Variants in ABCC5 observed in about 807,000 individuals in gnomAD.
ABCC5 encodes ATP-binding cassette sub-family C member 5.
A neutral mutation model predicts 160.9 loss-of-function variants in ABCC5; 61 were observed. That is an observed-to-expected ratio of 0.38 (90% CI 0.31 to 0.47). The LOEUF (loss-of-function observed/expected upper bound fraction) is 0.47. Among genes scored for constraint, ABCC5 ranks in the 20% least tolerant of loss-of-function variants. The pLI is 0.99. For synonymous variants in ABCC5, 666 were observed against 700.6 expected, an observed-to-expected ratio of 0.95 and a Z score of 0.78; for missense variants, 1,308 against 1,813.3, an observed-to-expected ratio of 0.72 and a Z score of 5.06.
chr3:183,952,999 G>A, intron 18 of ABCC5, 87 bp downstream of exon 18: 1 of 1,382,724 alleles, frequency 7.2e-7, no homozygotes, highest in South Asian at 1.4e-5. Flanking sequence ...GTGAAAACTA[G>A]AACAGTTTCC....
chr3:183,941,298 C>T (rs1378153825), intron 25 of ABCC5, among the ~76,000 whole-genome samples: 1 of 152,114 alleles, frequency 6.6e-6, no homozygotes, highest in East Asian at 1.9e-4. Context: ...GAGCAGTGTA[C>T]CCCTGGGGAC....
At chr3:183,926,029 G>A (rs1389363624) in intron 28 of ABCC5, among the ~76,000 whole-genome samples, 28 of 149,674 alleles carry the variant, frequency 1.9e-4, no homozygotes, top group African/African-American at 5.4e-4. Context: ...TAGTAGAGAC[G>A]GGGTTTCACC....
intron 2 of ABCC5, among the ~76,000 whole-genome samples, chr3:183,989,887 C>T (rs1719591405): frequency 6.6e-6 from 1 of 152,020 alleles, no homozygotes; most frequent in South Asian, 2.1e-4. Context: ...TCATTGCAAC[C>T]TCCACCTCCC....
chr3:183,967,473 C>G (rs1717328329), intron 12 of ABCC5: 1 of 519,830 alleles, frequency 1.9e-6, no homozygotes, highest in African/African-American at 1.9e-5. Flanking sequence ...CCAGCTGGGA[C>G]AACAGTCAGT....
chr3:183,956,211 G>A (rs1715924817), intron 17 of ABCC5, among the ~76,000 whole-genome samples: 1 of 146,940 alleles, frequency 6.8e-6, no homozygotes, highest in Non-Finnish European at 1.5e-5. Flanking sequence ...GTTACATGCA[G>A]ATCCGTGTGT....
chr3:183,977,634 G>A lies in ABCC5; in HGVS notation c.1297-10C>T. ...TCACCACTGTGAAAGCCTGAAAATAGGAGAAGAGAAGAAACTGTGCCTAAT... is the reference window on the plus strand; with the variant it reads ...TCACCACTGTGAAAGCCTGAAAATAAGAGAAGAGAAGAAACTGTGCCTAAT... On this transcript the variant is annotated splice_polypyrimidine_tract_variant and intron_variant, in intron 9 of 29. Transcript: ENST00000334444. The A allele has an allele frequency of 1.9e-6, 3 of 1,604,742 alleles. No individual in the cohort carries two copies. The highest frequency in any genetic ancestry group is 2.6e-6 in the Non-Finnish European group (3 of 1,172,236).
chr3:183,995,627 T>C (rs1276851894), intron 2 of ABCC5, among the ~76,000 whole-genome samples: 5 of 152,180 alleles, frequency 3.3e-5, no homozygotes, highest in Non-Finnish European at 7.3e-5. Context: ...TCTATTTCAT[T>C]GATCTATTTG....
chr3:183,946,466 T>A (rs1210484405), intron 23 of ABCC5, among the ~76,000 whole-genome samples: 1 of 152,218 alleles, frequency 6.6e-6, no homozygotes, highest in African/African-American at 2.4e-5. Context: ...TGGCTGGACA[T>A]CTCGGGGTAT....
At chr3:183,956,456 G>C (rs867060914) in intron 17 of ABCC5, among the ~76,000 whole-genome samples, 1 of 146,016 alleles carries the variant, frequency 6.8e-6, no homozygotes, top group Non-Finnish European at 1.5e-5. Flanking sequence ...AAATCACATC[G>C]GTTACATGCG....
intron 24 of ABCC5, among the ~76,000 whole-genome samples, chr3:183,943,732 G>A (rs1011792544): frequency 1.3e-5 from 2 of 152,120 alleles, no homozygotes; most frequent in Non-Finnish European, 2.9e-5. Flanking sequence ...CAGTGGGAGG[G>A]CAGGCCTCTG....
chr3:183,983,592 G>A (rs1244580414), intron 5 of ABCC5: 1 of 309,626 alleles, frequency 3.2e-6, no homozygotes, highest in Non-Finnish European at 4.7e-6. Context: ...TCCCAAAAAT[G>A]AAAACATGTT....
chr3:183,943,063 G>T, intron 24 of ABCC5, 147 bp from the exon 25 acceptor site: 3 of 759,958 alleles, frequency 3.9e-6, no homozygotes, highest in Non-Finnish European at 6.2e-6. Context: ...AGAATCCCTT[G>T]GAAGTAAATG....
chr3:184,006,176 G>A (rs1235694650), intron 2 of ABCC5, among the ~76,000 whole-genome samples: 2 of 151,938 alleles, frequency 1.3e-5, no homozygotes, highest in Non-Finnish European at 1.5e-5. Context: ...TACCTCAGCC[G>A]GAGATCTCTG....
intron 29 of ABCC5, among the ~76,000 whole-genome samples, chr3:183,924,810 C>T (rs772340049): frequency 5.3e-5 from 8 of 152,086 alleles, no homozygotes; most frequent in Middle Eastern, 3.2e-3. Flanking sequence ...CAGTCTAGGG[C>T]GGCTGAGGCA....
At position 183,945,736 on chromosome 3, in the gene ABCC5, G is replaced by A; in HGVS notation, c.3504+114C>T. 3 of 797,010 alleles carry A rather than the reference G, an allele frequency of 3.8e-6. No individual in the cohort carries two copies. In the South Asian group the frequency reaches 4.1e-5, roughly 11 times the overall value. 49.4% of individuals were successfully genotyped at this position (797,010 alleles called of 1,614,324 possible). ...TGAGAGATTGCTGGAGATTCTGTGG[G>A]ATTAGATAGGCAGAGAACACAAGCC... On this transcript the variant is annotated intron_variant, in intron 24 of 29. Transcript: ENST00000334444.
chr3:183,943,104 G>A (rs1714521132), intron 24 of ABCC5, among the ~76,000 whole-genome samples, 188 bp from the exon 25 acceptor site: 2 of 152,186 alleles, frequency 1.3e-5, no homozygotes, highest in African/African-American at 4.8e-5. Context: ...CAGAGACAGA[G>A]CACAATGGCT....
intron 2 of ABCC5, among the ~76,000 whole-genome samples, chr3:184,005,288 C>A (rs1162556793): frequency 1.3e-5 from 2 of 152,264 alleles, no homozygotes; most frequent in East Asian, 3.9e-4. Context: ...TTGCTTTCTA[C>A]CTCCATGAGC....
intron 28 of ABCC5, 85 bp from the exon 29 acceptor site, chr3:183,925,804 T>A: frequency 7.4e-7 from 1 of 1,359,860 alleles, no homozygotes; most frequent in Non-Finnish European, 1.0e-6. Context: ...ATGTATTTCA[T>A]TTAAGTTTTA....
chr3:183,986,061 T>C (rs1490310008), intron 5 of ABCC5: 1 of 152,844 alleles, frequency 6.5e-6, no homozygotes. Flanking sequence ...AGAAAACTTG[T>C]AAAAATCTAA....
Sources: gnomAD v4.1 joint callset for allele counts (sites outside exome capture counted in the v4.1 genomes callset) on GRCh38, gnomAD v4.1.1 for gene constraint, MANE v1.5 for transcripts, NCBI Gene and HGNC (gene_info 2026-07-23, HGNC 2026-07-21) for gene names.